STOX2: variants seen among roughly 807,000 people sequenced by gnomAD.
STOX2 encodes the protein storkhead box 2, also known as storkhead-box protein 2.
STOX2 carries 28 observed loss-of-function variants against 60.9 expected under a neutral mutation model. The observed-to-expected ratio is 0.46, with a 90% CI of 0.34 to 0.63. The LOEUF is 0.63. Ranked by LOEUF, STOX2 falls within the 30% of genes least tolerant of loss-of-function variation. The pLI is 0.01. For missense variants in STOX2, 1,024 were observed against 1,187.7 expected, an observed-to-expected ratio of 0.86 and a Z score of 2.03; for synonymous variants, 472 against 463.9, an observed-to-expected ratio of 1.02 and a Z score of -0.22.
intron 1 of STOX2, among the ~76,000 whole-genome samples, chr4:183,910,628 G>C (rs546483285): frequency 6.6e-6 from 1 of 152,264 alleles, no homozygotes; most frequent in East Asian, 1.9e-4. Flanking sequence ...AGGTTCTACA[G>C]CACATGATCC....
Position 183,855,517 on chromosome 4 carries a change from C to T in STOX2, c.364+57462C>T, listed in dbSNP as rs562898919. Among the ~76,000 whole-genome samples the T allele has an allele frequency of 2.0e-5, 3 of 152,086 alleles. No individual in the cohort carries two copies. In the East Asian group the frequency reaches 5.8e-4, roughly 29 times the overall value. ...TTTTCCTGGAAAGTGTAACTTATGACAAGGGTAACTTGGAAATCCAAGCTC... is the reference window on the plus strand; with the variant it reads ...TTTTCCTGGAAAGTGTAACTTATGATAAGGGTAACTTGGAAATCCAAGCTC... On this transcript the variant is annotated intron_variant, in intron 1 of 2. Coordinates refer to the STOX2 transcript ENST00000513034.
chr4:183,834,120 G>T (rs1247512040), intron 1 of STOX2, among the ~76,000 whole-genome samples: 1 of 148,976 alleles, frequency 6.7e-6, no homozygotes, highest in Non-Finnish European at 1.5e-5. Context: ...TCTATAGAAT[G>T]GCTACAGCAG....
intron 1 of STOX2, among the ~76,000 whole-genome samples, chr4:183,813,539 G>A (rs1362109614): frequency 3.3e-5 from 5 of 152,194 alleles, no homozygotes; most frequent in East Asian, 1.9e-4. Context: ...TTGAGCATCC[G>A]TGGATTTTCG....
intron 2 of STOX2, among the ~76,000 whole-genome samples, chr4:184,006,536 A>C (rs1295102799): frequency 6.6e-6 from 1 of 151,750 alleles, no homozygotes; most frequent in Admixed American, 6.6e-5. Context: ...AACATGGAGA[A>C]ACCCCATCTC....
chr4:183,844,840 A>C (rs1008162824), intron 1 of STOX2, among the ~76,000 whole-genome samples: 2 of 152,244 alleles, frequency 1.3e-5, no homozygotes, highest in Non-Finnish European at 2.9e-5. Context: ...TTTGTTAGAC[A>C]TACAAAGTTG....
chr4:183,879,420 G>C (rs1005217394), intron 1 of STOX2, among the ~76,000 whole-genome samples: 1 of 152,222 alleles, frequency 6.6e-6, no homozygotes, highest in South Asian at 2.1e-4. Context: ...ACAGAGCTCC[G>C]GCAATGAATA....
At chr4:183,938,802 A>G (rs1405919637) in intron 1 of STOX2, among the ~76,000 whole-genome samples, 1 of 152,094 alleles carries the variant, frequency 6.6e-6, no homozygotes, top group Non-Finnish European at 1.5e-5. Context: ...GCCTAATTTC[A>G]GGATGATTGT....
chr4:183,986,887 G>A (rs1732867507), intron 1 of STOX2, among the ~76,000 whole-genome samples: 1 of 152,146 alleles, frequency 6.6e-6, no homozygotes, highest in African/African-American at 2.4e-5. Context: ...CCCACGTGGG[G>A]ACCCCTGTAA....
intron 1 of STOX2, among the ~76,000 whole-genome samples, chr4:183,855,227 T>C (rs913003847): frequency 2.6e-5 from 4 of 152,250 alleles, no homozygotes; most frequent in African/African-American, 9.6e-5. Context: ...ATCCAAGTGT[T>C]CACTTTGAAA....
At chr4:183,860,855 C>G (rs1740423841) in intron 1 of STOX2, among the ~76,000 whole-genome samples, 1 of 152,218 alleles carries the variant, frequency 6.6e-6, no homozygotes, top group African/African-American at 2.4e-5. Context: ...GATTCCATTT[C>G]CATCCGAGTT....
At chr4:183,866,834 G>A (rs1740578791) in intron 1 of STOX2, among the ~76,000 whole-genome samples, 1 of 152,058 alleles carries the variant, frequency 6.6e-6, no homozygotes, top group Non-Finnish European at 1.5e-5. Context: ...AGTGGCAATT[G>A]GGTCACTACA....
intron 1 of STOX2, among the ~76,000 whole-genome samples, chr4:183,971,886 CAGCAGGCACCGTGGGGA>C (rs1329756555): frequency 6.6e-6 from 1 of 152,134 alleles, no homozygotes; most frequent in African/African-American, 2.4e-5. Flanking sequence ...ATGCATGGTG[CAGCAGGCACCGTGGGGA>C]AGGAGATCAG....
chr4:183,984,005 C>T (rs140567046), intron 1 of STOX2, among the ~76,000 whole-genome samples: 3 of 152,306 alleles, frequency 2.0e-5, no homozygotes, highest in African/African-American at 7.2e-5. Flanking sequence ...CAGTAATGAA[C>T]CCTCAGCCCC....
At chr4:183,963,797 A>G (rs1211469189) in intron 1 of STOX2, among the ~76,000 whole-genome samples, 14 of 143,950 alleles carry the variant, frequency 9.7e-5, no homozygotes, top group African/African-American at 3.6e-4. Context: ...TTTTTTTGAG[A>G]CGGAGTCTCG....
rs1341243335 is a variant in STOX2 at position 184,006,964 on chromosome 4, C to T, written c.320-2194C>T. ...CCAGGAGGCGGAGCTTGCAGTGAGC[C>T]GAGATCCCGCCACTGCACTCCAGCC... is the stretch of plus-strand genomic sequence containing the variant. On this transcript the variant is annotated intron_variant, in intron 2 of 3. Transcript: ENST00000308497. Among the ~76,000 whole-genome samples, 71 of 127,888 alleles carry T rather than the reference C, an allele frequency of 5.6e-4. 1 individual carries two copies. The highest frequency in any genetic ancestry group is 1.7e-3 in the African/African-American group (57 of 33,296). The allele number at this position is 127,888 out of a possible 152,430, so 83.9% of individuals were successfully genotyped here. A position where few individuals can be genotyped will look rare whatever the true frequency, so the allele number is the denominator to read the frequency against.
At chr4:183,955,822 G>A (rs1050228491) in intron 1 of STOX2, among the ~76,000 whole-genome samples, 1 of 152,134 alleles carries the variant, frequency 6.6e-6, no homozygotes, top group African/African-American at 2.4e-5. Context: ...TTGCTTGGAA[G>A]TTCTGTGGGA....
At chr4:183,927,965 G>A (rs1027433567) in intron 1 of STOX2, among the ~76,000 whole-genome samples, 1 of 152,180 alleles carries the variant, frequency 6.6e-6, no homozygotes, top group African/African-American at 2.4e-5. Context: ...TGCTGTGGTC[G>A]GATGGTCTTG....
At chr4:183,985,716 T>A (rs539216662) in intron 1 of STOX2, among the ~76,000 whole-genome samples, 1 of 152,206 alleles carries the variant, frequency 6.6e-6, no homozygotes, top group Non-Finnish European at 1.5e-5. Flanking sequence ...GAAACTTGTG[T>A]CTTTAACTGT....
At chr4:183,988,987 C>T (rs1254432507) in intron 1 of STOX2, among the ~76,000 whole-genome samples, 1 of 152,134 alleles carries the variant, frequency 6.6e-6, no homozygotes, top group Non-Finnish European at 1.5e-5. Context: ...GGGCTGCCCA[C>T]CACACACGAC....
Sources: allele counts gnomAD v4.1 joint callset (sites outside exome capture counted in the v4.1 genomes callset), GRCh38; gene constraint gnomAD v4.1.1; transcripts MANE v1.5; gene names NCBI Gene and HGNC (gene_info 2026-07-23, HGNC 2026-07-21).